The following WWOX variants were observed in gnomAD, a reference collection of about 807,000 sequenced individuals.
The protein encoded by WWOX is WW domain containing oxidoreductase, also known as WW domain-containing oxidoreductase.
WWOX carries 69 observed loss-of-function variants against 46.2 expected under a neutral mutation model. That is an observed-to-expected ratio of 1.49 (90% CI 1.23 to 1.82). WWOX has a LOEUF of 1.82. Ranked by LOEUF, WWOX falls within the 40% of genes most tolerant of loss-of-function variation. WWOX has a pLI of 0.00. For missense variants in WWOX, 919 were observed against 542.6 expected, an observed-to-expected ratio of 1.69 and a Z score of -6.89; for synonymous variants, 359 against 202.6, an observed-to-expected ratio of 1.77 and a Z score of -6.56.
At chr16:78,917,122 C>T (rs1481578715) in intron 8 of WWOX, among the ~76,000 whole-genome samples, 3 of 152,184 alleles carry the variant, frequency 2.0e-5, no homozygotes, top group African/African-American at 4.8e-5. Flanking sequence ...GGAATTTAGT[C>T]TGACGTGGCT....
At chr16:78,739,726 G>A (rs1189195196) in intron 8 of WWOX, among the ~76,000 whole-genome samples, 1 of 152,086 alleles carries the variant, frequency 6.6e-6, no homozygotes, top group Non-Finnish European at 1.5e-5. Context: ...CAGGAGAATC[G>A]CTTGAACCCA....
intron 8 of WWOX, among the ~76,000 whole-genome samples, chr16:78,577,684 A>G (rs1438161555): frequency 6.6e-6 from 1 of 152,206 alleles, no homozygotes; most frequent in Admixed American, 6.5e-5. Context: ...CCTTCTGGAC[A>G]ATTCCCCAAT....
At chr16:78,370,851 T>G (rs940223574) in intron 5 of WWOX, among the ~76,000 whole-genome samples, 1 of 151,786 alleles carries the variant, frequency 6.6e-6, no homozygotes, top group Non-Finnish European at 1.5e-5. Context: ...TTCTTGTTTG[T>G]TTTTGTTTTC....
At chr16:79,186,547 T>G (rs1041214657) in intron 8 of WWOX, among the ~76,000 whole-genome samples, 1 of 152,222 alleles carries the variant, frequency 6.6e-6, no homozygotes, top group African/African-American at 2.4e-5. Flanking sequence ...TCTGACTGCA[T>G]CTTAACTGTT....
At position 79,081,971 on chromosome 16, in the gene WWOX, G is replaced by A. The variant is rs142541472; in HGVS notation, c.1057-129637G>A. ...AACTGCAAAGGGGTGGTTGATATCA[G>A]ATTCATACGCCAGAACCAGAAGACC... On this transcript the variant is annotated intron_variant, in intron 8 of 8. Transcript: ENST00000566780. 7.2e-5 allele frequency among the ~76,000 whole-genome samples: 11 copies of A among 152,318 alleles called. No homozygotes were observed. The East Asian group carries it at 2.1e-3, about 29-fold the overall frequency.
Position 78,681,991 on chromosome 16 carries a change from C to T in WWOX, c.1056+249239C>T, listed in dbSNP as rs2047741067. 2.6e-5 allele frequency among the ~76,000 whole-genome samples: 4 copies of T among 152,180 alleles called. No homozygotes were observed. In the South Asian group the frequency reaches 8.3e-4, roughly 32 times the overall value. ...ACTGATGCTTACAGCTCTCAGACCA[C>T]AGTTGGAGCAGTGATTTTTAAAAGT... On this transcript the variant is annotated intron_variant, in intron 8 of 8. Coordinates refer to ENST00000566780, the MANE Select transcript of WWOX (RefSeq NM_016373.4).
chr16:78,868,713 CA>C, intron 8 of WWOX, among the ~76,000 whole-genome samples: 1 of 152,168 alleles, frequency 6.6e-6, no homozygotes, highest in South Asian at 2.1e-4. Context: ...ACGTTGGAAC[CA>C]ATGCTGATGA....
intron 5 of WWOX, among the ~76,000 whole-genome samples, chr16:78,223,584 G>A (rs2036959906): frequency 6.6e-6 from 1 of 152,144 alleles, no homozygotes; most frequent in African/African-American, 2.4e-5. Context: ...TGATGTGGCA[G>A]GAAACATGCA....
intron 8 of WWOX, among the ~76,000 whole-genome samples, chr16:78,658,864 G>T (rs2047141613): frequency 6.6e-6 from 1 of 151,564 alleles, no homozygotes; most frequent in Admixed American, 6.6e-5. Context: ...GGCCGAGGCA[G>T]GCGGATCACT....
At chr16:78,189,553 A>T (rs1405898059) in intron 5 of WWOX, among the ~76,000 whole-genome samples, 1 of 152,218 alleles carries the variant, frequency 6.6e-6, no homozygotes, top group African/African-American at 2.4e-5. Flanking sequence ...AAGAGGTCTG[A>T]AGTCTATTTT....
chr16:79,069,992 A>G (rs1461861380), intron 8 of WWOX, among the ~76,000 whole-genome samples: 1 of 152,228 alleles, frequency 6.6e-6, no homozygotes, highest in Non-Finnish European at 1.5e-5. Context: ...AAGCATTTAG[A>G]ATTATTTTGA....
intron 4 of WWOX, chr16:78,145,818 C>A (rs2034179611): frequency 6.6e-6 from 1 of 152,204 alleles, no homozygotes; most frequent in Admixed American, 6.5e-5. Context: ...ATTATGACCT[C>A]ATTTATCCTT....
At chr16:79,091,042 C>T (rs1452020019) in intron 8 of WWOX, among the ~76,000 whole-genome samples, 1 of 152,100 alleles carries the variant, frequency 6.6e-6, no homozygotes, top group Non-Finnish European at 1.5e-5. Context: ...CCCACATCGG[C>T]CTCCCAAAGT....
chr16:78,868,778 C>T (rs142561209), intron 8 of WWOX, among the ~76,000 whole-genome samples: 2 of 152,306 alleles, frequency 1.3e-5, no homozygotes, highest in East Asian at 1.9e-4. Context: ...ATGCCCCTAA[C>T]CCTCAGATAA....
intron 8 of WWOX, among the ~76,000 whole-genome samples, chr16:78,447,104 A>C (rs2083578428): frequency 6.6e-6 from 1 of 152,090 alleles, no homozygotes; most frequent in South Asian, 2.1e-4. Flanking sequence ...GAAAGGTTTG[A>C]GTTATTTCCT....
chr16:78,497,063 G>A (rs929357180), intron 8 of WWOX, among the ~76,000 whole-genome samples: 26 of 152,366 alleles, frequency 1.7e-4, no homozygotes, highest in Middle Eastern at 3.4e-3. Flanking sequence ...GGGGATGTTG[G>A]ATGCTAAGGC....
intron 8 of WWOX, among the ~76,000 whole-genome samples, chr16:79,157,696 G>A (rs973910931): frequency 6.6e-6 from 1 of 152,236 alleles, no homozygotes; most frequent in African/African-American, 2.4e-5. Flanking sequence ...TGAGAGTTGT[G>A]ATGATTGTGA....
At chr16:79,005,265 C>T (rs550790941) in intron 8 of WWOX, among the ~76,000 whole-genome samples, 7 of 152,236 alleles carry the variant, frequency 4.6e-5, no homozygotes, top group African/African-American at 1.2e-4. Context: ...GATCTCCAGC[C>T]AAAGTCCAAG....
intron 8 of WWOX, among the ~76,000 whole-genome samples, chr16:78,444,794 T>C (rs1167504426): frequency 6.6e-6 from 1 of 152,008 alleles, no homozygotes; most frequent in Non-Finnish European, 1.5e-5. Flanking sequence ...CCTCCCAAAG[T>C]GCTGGAATTA....
Sources: gnomAD v4.1 joint callset for allele counts (sites outside exome capture counted in the v4.1 genomes callset) on GRCh38, gnomAD v4.1.1 for gene constraint, MANE v1.5 for transcripts, NCBI Gene and HGNC (gene_info 2026-07-23, HGNC 2026-07-21) for gene names.